Variants in PTPRM observed in about 807,000 individuals in gnomAD.
PTPRM encodes the protein protein tyrosine phosphatase receptor type M.
A neutral mutation model predicts 186.7 loss-of-function variants in PTPRM; 47 were observed. The ratio of observed to expected loss-of-function variants is 0.25; its 90% confidence interval spans 0.20 to 0.32. The LOEUF is 0.32. Among genes scored for constraint, PTPRM ranks in the 10% least tolerant of loss-of-function variants. The pLI, the probability that PTPRM is intolerant of heterozygous loss-of-function variation, is 1.00. For missense variants in PTPRM, 1,494 were observed against 1,865.0 expected, an observed-to-expected ratio of 0.80 and a Z score of 3.66; for synonymous variants, 668 against 674.9, an observed-to-expected ratio of 0.99 and a Z score of 0.16.
At chr18:7,908,082 G>A (rs59998287) in intron 4 of PTPRM, among the ~76,000 whole-genome samples, 4,618 of 152,260 alleles carry the variant, frequency 0.03, 84 homozygotes, top group Middle Eastern at 0.048. Flanking sequence ...CCTCAGTGGA[G>A]TGTGTTCTTA....
chr18:8,013,788 T>C lies in PTPRM; in HGVS notation c.1133-55898T>C, dbSNP rs576979323. Among the ~76,000 whole-genome samples, 3 of 152,328 alleles carry C rather than the reference T, an allele frequency of 2.0e-5. No individual in the cohort carries two copies. The East Asian group carries it at 5.8e-4, about 29-fold the overall frequency. The stretch of plus-strand genomic sequence containing the variant: ...ACTCATTTTGGGGAGAAAAATCTAT[T>C]TGAGCTTGTCAAAGTTTTTCTGTAG... On this transcript the variant is annotated intron_variant, in intron 7 of 32. Transcript: ENST00000580170.
chr18:8,353,613 A>G (rs1205881147), intron 23 of PTPRM, among the ~76,000 whole-genome samples: 1 of 152,086 alleles, frequency 6.6e-6, no homozygotes, highest in Non-Finnish European at 1.5e-5. Flanking sequence ...GCTATAAAGG[A>G]TATTAACCAA....
intron 11 of PTPRM, among the ~76,000 whole-genome samples, chr18:8,104,715 T>G (rs936330953): frequency 2.1e-4 from 32 of 152,180 alleles, no homozygotes; most frequent in Admixed American, 1.6e-3. Flanking sequence ...CCCAAAGTGC[T>G]AGAACTACAG....
chr18:7,601,747 T>G (rs2037408648), intron 1 of PTPRM, among the ~76,000 whole-genome samples: 1 of 152,224 alleles, frequency 6.6e-6, no homozygotes, highest in African/African-American at 2.4e-5. Context: ...TTTACAAGTT[T>G]CAGGAGTTAA....
chr18:7,841,524 G>A (rs933590641), intron 2 of PTPRM, among the ~76,000 whole-genome samples: 2 of 152,026 alleles, frequency 1.3e-5, no homozygotes, highest in Non-Finnish European at 1.5e-5. Context: ...TTGATCTCCT[G>A]ACTTCGTGAT....
At chr18:7,580,799 A>G (rs2036824670) in intron 1 of PTPRM, among the ~76,000 whole-genome samples, 1 of 152,156 alleles carries the variant, frequency 6.6e-6, no homozygotes, top group Admixed American at 6.6e-5. Context: ...CCATACATAC[A>G]CAGAGTAGTG....
intron 7 of PTPRM, among the ~76,000 whole-genome samples, chr18:7,988,411 A>G (rs952413094): frequency 6.6e-6 from 1 of 152,192 alleles, no homozygotes; most frequent in Non-Finnish European, 1.5e-5. Flanking sequence ...GTAATAAAGT[A>G]TACATAAAAA....
intron 1 of PTPRM, among the ~76,000 whole-genome samples, chr18:7,582,228 C>T (rs1274609805): frequency 6.6e-6 from 1 of 152,200 alleles, no homozygotes; most frequent in Non-Finnish European, 1.5e-5. Flanking sequence ...ATGGGTGCCT[C>T]TGCTGACCTA....
chr18:7,831,969 A>G (rs1373672935), intron 2 of PTPRM, among the ~76,000 whole-genome samples: 1 of 152,102 alleles, frequency 6.6e-6, no homozygotes, highest in African/African-American at 2.4e-5. Context: ...CATTCTTTTT[A>G]TGGCTGAATA....
chr18:7,996,839 GA>G, intron 7 of PTPRM, among the ~76,000 whole-genome samples: 1 of 147,376 alleles, frequency 6.8e-6, no homozygotes, highest in East Asian at 2.0e-4. Flanking sequence ...TTAAATAAAT[GA>G]AAGTTTTCTA....
chr18:8,068,958 A>C (rs1203778014), intron 7 of PTPRM, among the ~76,000 whole-genome samples: 1 of 151,920 alleles, frequency 6.6e-6, no homozygotes, highest in African/African-American at 2.4e-5. Flanking sequence ...ACACACAAAA[A>C]AATTAGCCAG....
At chr18:8,216,742 G>A (rs1306325468) in intron 14 of PTPRM, among the ~76,000 whole-genome samples, 1 of 152,220 alleles carries the variant, frequency 6.6e-6, no homozygotes, top group Non-Finnish European at 1.5e-5. Flanking sequence ...CATTTTGTGG[G>A]AAATTACATG....
chr18:8,329,743 C>G (rs1017460343), intron 22 of PTPRM, among the ~76,000 whole-genome samples: 1 of 152,122 alleles, frequency 6.6e-6, no homozygotes, highest in African/African-American at 2.4e-5. Context: ...CCAACTCTTA[C>G]TAATTTGTGA....
intron 5 of PTPRM, among the ~76,000 whole-genome samples, chr18:7,929,048 C>T (rs867986028): frequency 3.2e-4 from 49 of 151,898 alleles, no homozygotes; most frequent in African/African-American, 1.2e-3. Context: ...TTTTTTTTCA[C>T]AAATGTCTTG....
intron 6 of PTPRM, among the ~76,000 whole-genome samples, chr18:7,952,909 G>A (rs1243410825): frequency 1.3e-5 from 2 of 152,114 alleles, no homozygotes; most frequent in Non-Finnish European, 2.9e-5. Flanking sequence ...AGGAGGCTGG[G>A]GCTGGAGAAT....
chr18:8,302,889 G>A (rs2095175431), intron 20 of PTPRM, among the ~76,000 whole-genome samples: 1 of 152,056 alleles, frequency 6.6e-6, no homozygotes, highest in South Asian at 2.1e-4. Flanking sequence ...ATCAACAGCA[G>A]CTTATGAGTT....
intron 1 of PTPRM, among the ~76,000 whole-genome samples, chr18:7,573,599 T>TTTTG (rs2036614279): frequency 6.6e-6 from 1 of 151,564 alleles, no homozygotes; most frequent in Non-Finnish European, 1.5e-5. Context: ...TTTTGTTTTG[T>TTTTG]TTTTTTTGAG....
At chr18:7,731,812 G>A (rs971563497) in intron 1 of PTPRM, among the ~76,000 whole-genome samples, 44 of 152,174 alleles carry the variant, frequency 2.9e-4, no homozygotes, top group Admixed American at 2.9e-3. Flanking sequence ...AATGGGGAAA[G>A]TAAGGGAAAG....
At chr18:8,232,063 C>T (rs914563813) in intron 14 of PTPRM, among the ~76,000 whole-genome samples, 38 of 152,330 alleles carry the variant, frequency 2.5e-4, no homozygotes, top group African/African-American at 9.1e-4. Context: ...CCTCTGTGCT[C>T]TGCCTGTTTA....
Sources: allele counts gnomAD v4.1 joint callset (sites outside exome capture counted in the v4.1 genomes callset), GRCh38; gene constraint gnomAD v4.1.1; transcripts MANE v1.5; gene names NCBI Gene and HGNC (gene_info 2026-07-23, HGNC 2026-07-21).